Variants in FER1L6 observed in about 807,000 individuals in gnomAD.
The protein encoded by FER1L6 is fer-1-like protein 6.
A neutral mutation model predicts 219.2 loss-of-function variants in FER1L6; 177 were observed. The observed-to-expected ratio is 0.81, with a 90% CI of 0.71 to 0.91. FER1L6 has a LOEUF of 0.91. Among genes scored for constraint, FER1L6 ranks in the 40% least tolerant of loss-of-function variants. FER1L6 has a pLI of 0.00. For synonymous variants in FER1L6, 768 were observed against 824.3 expected (o/e 0.93, Z 1.17); for missense variants, 2,153 against 2,259.9 (o/e 0.95, Z 0.96).
At chr8:124,073,173 G>T (rs2052030910) in intron 31 of FER1L6, among the ~76,000 whole-genome samples, 2 of 152,212 alleles carry the variant, frequency 1.3e-5, no homozygotes, top group South Asian at 2.1e-4. Flanking sequence ...GAACTACAGA[G>T]ATTGGAGAAA....
At chr8:124,016,803 C>T (rs756656108) in intron 15 of FER1L6, among the ~76,000 whole-genome samples, 5 of 152,144 alleles carry the variant, frequency 3.3e-5, no homozygotes, top group Non-Finnish European at 5.9e-5. Flanking sequence ...CTACTATGAA[C>T]AGTGCTACAA....
chr8:123,946,397 A>G (rs184323303), intron 1 of FER1L6, among the ~76,000 whole-genome samples: 267 of 152,170 alleles, frequency 1.8e-3, no homozygotes, highest in African/African-American at 6.2e-3. Context: ...GATTATAGGC[A>G]TACACCACCA....
chr8:123,956,192 C>A (rs1456531781), intron 2 of FER1L6, 118 bp downstream of exon 2: 3 of 927,258 alleles, frequency 3.2e-6, no homozygotes, highest in Admixed American at 4.5e-5. Context: ...GAATGTGCTG[C>A]CCCCGACCCT....
intron 33 of FER1L6, among the ~76,000 whole-genome samples, chr8:124,090,047 A>G (rs1363814541): frequency 6.6e-6 from 1 of 152,184 alleles, no homozygotes; most frequent in Admixed American, 6.5e-5. Flanking sequence ...CCTCTCTGAT[A>G]ATTGACTTAA....
At chr8:124,012,169 G>C (rs1817965799) in intron 14 of FER1L6, among the ~76,000 whole-genome samples, 1 of 152,194 alleles carries the variant, frequency 6.6e-6, no homozygotes, top group Admixed American at 6.5e-5. Context: ...CCTATGCTAA[G>C]TCAAGAACAA....
chr8:124,011,647 C>CTT (rs551341750), intron 14 of FER1L6, among the ~76,000 whole-genome samples: 38 of 133,908 alleles, frequency 2.8e-4, no homozygotes, highest in African/African-American at 5.2e-4. Flanking sequence ...CCATGCCTGA[C>CTT]TTTTTTTTTT....
chr8:123,996,563 T>C (rs1266195892), intron 12 of FER1L6, among the ~76,000 whole-genome samples: 1 of 152,128 alleles, frequency 6.6e-6, no homozygotes, highest in African/African-American at 2.4e-5. Context: ...TCATTGGACC[T>C]TGTGTTTTTA....
chr8:124,119,204 G>A (rs565050571), intron 40 of FER1L6, among the ~76,000 whole-genome samples: 33 of 152,272 alleles, frequency 2.2e-4, no homozygotes, highest in African/African-American at 7.2e-4. Context: ...TTGTCAGAGC[G>A]TAGAAGACTC....
chr8:124,013,646 G>T, intron 15 of FER1L6, 115 bp downstream of exon 15: 1 of 535,526 alleles, frequency 1.9e-6, no homozygotes. Context: ...TTAGAGTGCT[G>T]TATCCATCTT....
At chr8:124,101,526 G>C (rs1822548967) in intron 38 of FER1L6, among the ~76,000 whole-genome samples, 188 bp downstream of exon 38, 1 of 152,114 alleles carries the variant, frequency 6.6e-6, no homozygotes, top group African/African-American at 2.4e-5. Context: ...CCACATGATG[G>C]ACCACTACAT....
chr8:124,105,296 C>A (rs145289193), intron 39 of FER1L6, among the ~76,000 whole-genome samples: 1 of 152,028 alleles, frequency 6.6e-6, no homozygotes, highest in African/African-American at 2.4e-5. Flanking sequence ...CCATAACTGG[C>A]GTGTGATGCA....
At chr8:123,915,294 T>A (rs116293083) in intron 1 of FER1L6, among the ~76,000 whole-genome samples, 2 of 152,154 alleles carry the variant, frequency 1.3e-5, no homozygotes, top group Non-Finnish European at 2.9e-5. Flanking sequence ...ATGGCCATGA[T>A]AGCCAGGGGG....
At chr8:124,117,802 G>A (rs547757051) in intron 39 of FER1L6, among the ~76,000 whole-genome samples, 1 of 152,256 alleles carries the variant, frequency 6.6e-6, no homozygotes, top group Admixed American at 6.5e-5. Context: ...TTTTTAGGGT[G>A]AATGGGTAAG....
chr8:123,924,649 G>A (rs971944416), intron 1 of FER1L6: 1 of 152,168 alleles, frequency 6.6e-6, no homozygotes, highest in Non-Finnish European at 1.5e-5. Flanking sequence ...ATGAAGCCCT[G>A]GCACTCAGAG....
intron 21 of FER1L6, 47 bp downstream of exon 21, chr8:124,045,948 C>T (rs1819711181): frequency 1.3e-6 from 2 of 1,598,882 alleles, no homozygotes; most frequent in Non-Finnish European, 1.7e-6. Context: ...ATAAAAAATG[C>T]CACGTTGAAC....
At chr8:123,890,920 A>G (rs1416043342) in intron 1 of FER1L6, among the ~76,000 whole-genome samples, 1 of 152,092 alleles carries the variant, frequency 6.6e-6, no homozygotes, top group Non-Finnish European at 1.5e-5. Context: ...CAATAATTTG[A>G]GTTGGTTTCA....
chr8:123,920,022 C>G (rs1813312552), intron 1 of FER1L6, among the ~76,000 whole-genome samples: 1 of 152,230 alleles, frequency 6.6e-6, no homozygotes, highest in Non-Finnish European at 1.5e-5. Flanking sequence ...ACTTCTCTTA[C>G]AAAACACAAT....
chr8:124,094,490 A>G (rs747967201), intron 34 of FER1L6, among the ~76,000 whole-genome samples: 11 of 149,900 alleles, frequency 7.3e-5, no homozygotes, highest in Non-Finnish European at 1.3e-4. Flanking sequence ...AAATTTATTT[A>G]TTTATTTATT....
intron 9 of FER1L6, among the ~76,000 whole-genome samples, chr8:123,976,312 C>T (rs1327797041): frequency 2.0e-5 from 3 of 152,062 alleles, no homozygotes; most frequent in Non-Finnish European, 2.9e-5. Context: ...ACCAGCCTGG[C>T]CAACATGGCA....
Sources: allele counts gnomAD v4.1 joint callset (sites outside exome capture counted in the v4.1 genomes callset), GRCh38; gene constraint gnomAD v4.1.1; transcripts MANE v1.5; gene names NCBI Gene and HGNC (gene_info 2026-07-23, HGNC 2026-07-21).